Variants in MLLT10 observed in about 807,000 individuals in gnomAD.
The protein encoded by MLLT10 is protein AF-10.
Under a neutral mutation model 129.1 loss-of-function variants are expected in MLLT10, and 30 were observed. That is an observed-to-expected ratio of 0.23 (90% CI 0.17 to 0.32). The LOEUF is 0.32. Ranked by LOEUF, MLLT10 falls within the 10% of genes least tolerant of loss-of-function variation. The pLI, the probability that MLLT10 is intolerant of heterozygous loss-of-function variation, is 1.00. For synonymous variants in MLLT10, 490 were observed against 446.4 expected (o/e 1.10, Z -1.23); for missense variants, 1,119 against 1,268.3 (o/e 0.88, Z 1.79).
intron 11 of MLLT10, among the ~76,000 whole-genome samples, chr10:21,680,447 C>T (rs1476369018): frequency 1.3e-5 from 2 of 151,994 alleles, no homozygotes; most frequent in Non-Finnish European, 2.9e-5. Context: ...CTCAAGTGCC[C>T]GCCTTGGCCT....
At chr10:21,740,979 G>T (rs2058780271) in intron 22 of MLLT10, among the ~76,000 whole-genome samples, 1 of 152,212 alleles carries the variant, frequency 6.6e-6, no homozygotes, top group Non-Finnish European at 1.5e-5. Context: ...AGGAAGAAGG[G>T]AGGGACTGAG....
chr10:21,656,812 T>C (rs528784314), intron 9 of MLLT10, among the ~76,000 whole-genome samples: 1 of 152,314 alleles, frequency 6.6e-6, no homozygotes, highest in Admixed American at 6.5e-5. Context: ...AAGATTGTTA[T>C]CAGAGGGAGT....
chr10:21,629,764 TA>T (rs1438295625), intron 8 of MLLT10, among the ~76,000 whole-genome samples: 1 of 152,150 alleles, frequency 6.6e-6, no homozygotes, highest in Non-Finnish European at 1.5e-5. Flanking sequence ...TATTGGTAGA[TA>T]AAGTGGGTGT....
At position 21,676,720 on chromosome 10, in the gene MLLT10, C is replaced by CAAAAAAAAAAAAAAAAAAAA. The variant is rs56000691; in HGVS notation, c.1621+2818_1621+2837dup. Among the ~76,000 whole-genome samples, 3 of 32,012 alleles carry CAAAAAAAAAAAAAAAAAAAA rather than the reference C, an allele frequency of 9.4e-5. 1 individual carries two copies. Among genetic ancestry groups the CAAAAAAAAAAAAAAAAAAAA allele is most frequent in the Non-Finnish European group, 1.8e-4 (3 of 16,714 alleles). The allele number at this position is 32,012 out of a possible 152,430, so 21.0% of individuals were successfully genotyped here. Reference sequence around the variant, plus strand: ...TGGGAGACAGAGCGAGACTCCATCTCAAAAAAAAAAAAAAAAAAAAAAAAA... The same window carrying CAAAAAAAAAAAAAAAAAAAA: ...TGGGAGACAGAGCGAGACTCCATCTCAAAAAAAAAAAAAAAAAAAAAAAAAAAAAAAAAAAAAAAAAAAAA... On this transcript the variant is annotated intron_variant, in intron 11 of 22. Transcript: ENST00000307729.
chr10:21,661,286 C>A (rs1041235918), intron 9 of MLLT10, among the ~76,000 whole-genome samples: 1 of 152,122 alleles, frequency 6.6e-6, no homozygotes, highest in African/African-American at 2.4e-5. Flanking sequence ...TGTTGTTGGA[C>A]GAAGTAGTCT....
intron 5 of MLLT10, among the ~76,000 whole-genome samples, chr10:21,611,020 G>T: frequency 8.5e-6 from 1 of 117,560 alleles, no homozygotes. Flanking sequence ...TTTTGAGATG[G>T]AGTTTCTCTC....
At chr10:21,649,591 G>A (rs969533723) in intron 8 of MLLT10, among the ~76,000 whole-genome samples, 2 of 152,228 alleles carry the variant, frequency 1.3e-5, no homozygotes, top group African/African-American at 4.8e-5. Context: ...TGGGTGTTCA[G>A]TGTTGGTCTT....
intron 14 of MLLT10, among the ~76,000 whole-genome samples, chr10:21,721,729 A>G (rs1193355601): frequency 1.3e-5 from 2 of 152,108 alleles, no homozygotes; most frequent in Non-Finnish European, 2.9e-5. Context: ...CAGACGTTTA[A>G]TATATTAAGT....
rs1216092885 is a variant in MLLT10 at position 21,544,281 on chromosome 10, A to T, written c.240+5369A>T. Among the ~76,000 whole-genome samples, 4 of 152,184 alleles carry T rather than the reference A, an allele frequency of 2.6e-5. No individual in the cohort carries two copies. In the East Asian group the frequency reaches 7.7e-4, roughly 29 times the overall value. Reference sequence around the variant, plus strand: ...TGATATTTTCCATCTCCTGTCTCAAAAGCGAGTAAATTCAGTCCCAATCTC... The same window carrying T: ...TGATATTTTCCATCTCCTGTCTCAATAGCGAGTAAATTCAGTCCCAATCTC... On this transcript the variant is annotated intron_variant, in intron 3 of 22. Transcript: ENST00000307729.
chr10:21,620,149 C>T (rs2045666348), intron 8 of MLLT10, among the ~76,000 whole-genome samples: 1 of 151,956 alleles, frequency 6.6e-6, no homozygotes, highest in Non-Finnish European at 1.5e-5. Context: ...AGGCTGGTCT[C>T]GAACTCCTGA....
chr10:21,558,157 G>A, intron 3 of MLLT10, among the ~76,000 whole-genome samples: 1 of 151,680 alleles, frequency 6.6e-6, no homozygotes, highest in Admixed American at 6.6e-5. Context: ...TGCCATGTTG[G>A]CCAGGCTCGT....
At chr10:21,670,379 G>T in intron 9 of MLLT10, 70 bp from the exon 10 acceptor site, 1 of 1,412,298 alleles carries the variant, frequency 7.1e-7, no homozygotes. Flanking sequence ...TATTAATGTG[G>T]CACCCATTGT....
intron 5 of MLLT10, among the ~76,000 whole-genome samples, chr10:21,608,368 G>A (rs2044270742): frequency 6.6e-6 from 1 of 151,142 alleles, no homozygotes; most frequent in Admixed American, 6.6e-5. Flanking sequence ...GTAGAGGTGA[G>A]GTTTTGCTAT....
intron 3 of MLLT10, among the ~76,000 whole-genome samples, chr10:21,585,977 T>C (rs1479016282): frequency 6.6e-6 from 1 of 152,140 alleles, no homozygotes; most frequent in African/African-American, 2.4e-5. Context: ...GTCAGGCTGG[T>C]CTCGAACTCC....
At chr10:21,543,503 G>A (rs1794067311) in intron 3 of MLLT10, among the ~76,000 whole-genome samples, 1 of 151,664 alleles carries the variant, frequency 6.6e-6, no homozygotes, top group Non-Finnish European at 1.5e-5. Flanking sequence ...TGGAGACAGA[G>A]TTTAATTCTT....
chr10:21,630,192 T>C (rs2046870302), intron 8 of MLLT10, among the ~76,000 whole-genome samples: 1 of 152,166 alleles, frequency 6.6e-6, no homozygotes, highest in African/African-American at 2.4e-5. Context: ...GTGCGTTATT[T>C]TCAAAAGTGT....
intron 3 of MLLT10, among the ~76,000 whole-genome samples, chr10:21,575,456 C>T (rs1426547323): frequency 1.3e-5 from 2 of 152,176 alleles, no homozygotes; most frequent in Admixed American, 1.3e-4. Context: ...CTTGGCCTTC[C>T]AAAGTGTTGG....
At chr10:21,662,048 T>C (rs2050264788) in intron 9 of MLLT10, among the ~76,000 whole-genome samples, 1 of 152,190 alleles carries the variant, frequency 6.6e-6, no homozygotes. Flanking sequence ...AAGTGTTTTA[T>C]TTCACTGTCT....
At chr10:21,736,464 T>G (rs761807912) in intron 21 of MLLT10, among the ~76,000 whole-genome samples, 5 of 152,082 alleles carry the variant, frequency 3.3e-5, no homozygotes, top group African/African-American at 4.8e-5. Context: ...TTGTATTTTT[T>G]GTAGAGACAG....
Sources: allele counts gnomAD v4.1 joint callset (sites outside exome capture counted in the v4.1 genomes callset), GRCh38; gene constraint gnomAD v4.1.1; transcripts MANE v1.5; gene names NCBI Gene and HGNC (gene_info 2026-07-23, HGNC 2026-07-21).